The following SPHKAP variants were observed in gnomAD, a reference collection of about 807,000 sequenced individuals.
SPHKAP encodes SPHK1 interactor, AKAP domain containing.
SPHKAP carries 67 observed loss-of-function variants against 137.5 expected under a neutral mutation model. That is an observed-to-expected ratio of 0.49 (90% CI 0.40 to 0.60). The LOEUF is 0.60. Among genes scored for constraint, SPHKAP ranks in the 20% least tolerant of loss-of-function variants. The pLI, the probability that SPHKAP is intolerant of heterozygous loss-of-function variation, is 0.00. For synonymous variants in SPHKAP, 813 were observed against 785.3 expected (o/e 1.04, Z -0.59); for missense variants, 2,097 against 2,069.3 (o/e 1.01, Z -0.26).
intron 3 of SPHKAP, among the ~76,000 whole-genome samples, chr2:228,030,807 T>C (rs573897621): frequency 7.9e-5 from 12 of 152,288 alleles, no homozygotes; most frequent in African/African-American, 1.9e-4. Flanking sequence ...TTGTCTTCTC[T>C]AGAGAAACTA....
chr2:228,070,915 A>G (rs1696984342), intron 3 of SPHKAP, among the ~76,000 whole-genome samples: 1 of 152,118 alleles, frequency 6.6e-6, no homozygotes, highest in Non-Finnish European at 1.5e-5. Flanking sequence ...GACCACTTTG[A>G]TTCCTTCGGT....
chr2:228,077,299 C>T (rs1163690492), intron 3 of SPHKAP, among the ~76,000 whole-genome samples: 2 of 152,232 alleles, frequency 1.3e-5, no homozygotes, highest in East Asian at 3.9e-4. Context: ...GGGCCACTGT[C>T]TTCCAGACCC....
chr2:228,091,227 C>A (rs1445727588), intron 3 of SPHKAP, among the ~76,000 whole-genome samples: 2 of 152,000 alleles, frequency 1.3e-5, no homozygotes, highest in African/African-American at 4.8e-5. Flanking sequence ...ATACTAATAT[C>A]AAACAAAATA....
At chr2:228,010,562 G>T (rs1186596980) in intron 7 of SPHKAP, among the ~76,000 whole-genome samples, 5 of 152,068 alleles carry the variant, frequency 3.3e-5, no homozygotes, top group Admixed American at 2.6e-4. Context: ...GTTCACGGAT[G>T]GAGGGCAAGT....
At chr2:228,060,623 T>C (rs1454070244) in intron 3 of SPHKAP, among the ~76,000 whole-genome samples, 2 of 152,210 alleles carry the variant, frequency 1.3e-5, no homozygotes, top group African/African-American at 4.8e-5. Flanking sequence ...GACTTAGTGA[T>C]AGGAAAGTGA....
intron 1 of SPHKAP, among the ~76,000 whole-genome samples, chr2:228,148,196 C>T (rs1310823433): frequency 6.6e-6 from 1 of 152,152 alleles, no homozygotes; most frequent in Non-Finnish European, 1.5e-5. Flanking sequence ...CTGGCTGCAC[C>T]AGGTTGTATG....
chr2:228,119,765 C>T (rs1431455828), intron 2 of SPHKAP, among the ~76,000 whole-genome samples: 1 of 152,056 alleles, frequency 6.6e-6, no homozygotes, highest in East Asian at 1.9e-4. Flanking sequence ...GTGAGTTAGT[C>T]TCCATTTCTC....
chr2:228,150,862 T>C (rs527626167), intron 1 of SPHKAP, among the ~76,000 whole-genome samples: 1 of 152,120 alleles, frequency 6.6e-6, no homozygotes, highest in South Asian at 2.1e-4. Context: ...GCAATCCTCA[T>C]ACCTCAGCCT....
intron 3 of SPHKAP, among the ~76,000 whole-genome samples, chr2:228,072,684 C>A (rs193127896): frequency 1.4e-3 from 212 of 152,272 alleles, no homozygotes; most frequent in Non-Finnish European, 2.6e-3. Context: ...CCTTGAGAAT[C>A]CTGAGCCACC....
chr2:228,165,744 C>T (rs1161618658), intron 1 of SPHKAP, among the ~76,000 whole-genome samples: 1 of 152,208 alleles, frequency 6.6e-6, no homozygotes, highest in Non-Finnish European at 1.5e-5. Flanking sequence ...TCTGCAATTA[C>T]AAGATTGTGT....
chr2:228,164,219 T>C lies in SPHKAP; in HGVS notation c.32+17348A>G, dbSNP rs4553813. Among the ~76,000 whole-genome samples, 237 of 152,284 alleles carry C rather than the reference T, an allele frequency of 1.6e-3. 2 individuals are homozygous for C. The East Asian group carries it at 0.03, about 19-fold the overall frequency. On this transcript the variant is annotated intron_variant, in intron 1 of 11. Coordinates refer to ENST00000392056, the MANE Select transcript of SPHKAP (RefSeq NM_001142644.2). ...GGACCCTTGGACTTAACACCAGTGG[T>C]TTGCCAGGGCCTCTCAGGCCTTCAA...
At chr2:228,096,528 A>C (rs1697987267) in intron 3 of SPHKAP, among the ~76,000 whole-genome samples, 1 of 151,876 alleles carries the variant, frequency 6.6e-6, no homozygotes, top group Non-Finnish European at 1.5e-5. Context: ...CCATACGAAA[A>C]CTGCATCCCA....
chr2:228,043,775 A>G (rs1695934786), intron 3 of SPHKAP, among the ~76,000 whole-genome samples: 1 of 152,124 alleles, frequency 6.6e-6, no homozygotes, highest in African/African-American at 2.4e-5. Context: ...CATGCTTTAC[A>G]ATTTTGTAGA....
chr2:228,039,453 T>C (rs1695758430), intron 3 of SPHKAP, among the ~76,000 whole-genome samples: 1 of 152,192 alleles, frequency 6.6e-6, no homozygotes. Flanking sequence ...TTTTTTAGTA[T>C]TATGGGTTAT....
At chr2:228,112,021 T>A (rs1698533711) in intron 2 of SPHKAP, among the ~76,000 whole-genome samples, 1 of 152,200 alleles carries the variant, frequency 6.6e-6, no homozygotes, top group South Asian at 2.1e-4. Context: ...AATTATATAA[T>A]GTAATTAATC....
chr2:228,161,560 G>A (rs1195996938), intron 1 of SPHKAP, among the ~76,000 whole-genome samples: 1 of 152,104 alleles, frequency 6.6e-6, no homozygotes. Context: ...GGGTGAGGGA[G>A]GGAGAGCATC....
chr2:228,136,903 C>A (rs1699451524), intron 1 of SPHKAP, among the ~76,000 whole-genome samples: 1 of 152,012 alleles, frequency 6.6e-6, no homozygotes, highest in African/African-American at 2.4e-5. Flanking sequence ...CTACCTAGTC[C>A]CCACCTTCCC....
chr2:228,048,741 A>G (rs928956024), intron 3 of SPHKAP, among the ~76,000 whole-genome samples: 3 of 152,142 alleles, frequency 2.0e-5, no homozygotes, highest in African/African-American at 7.2e-5. Flanking sequence ...GTAGTAGGCT[A>G]TGAGGATTAG....
intron 3 of SPHKAP, among the ~76,000 whole-genome samples, chr2:228,078,778 T>G (rs80188197): frequency 0.01 from 1,532 of 152,200 alleles, 42 homozygotes; most frequent in African/African-American, 0.035. Context: ...CCAGGCAGCA[T>G]AGAGTGGAGA....
Sources: gnomAD v4.1 joint callset for allele counts (sites outside exome capture counted in the v4.1 genomes callset) on GRCh38, gnomAD v4.1.1 for gene constraint, MANE v1.5 for transcripts, NCBI Gene and HGNC (gene_info 2026-07-23, HGNC 2026-07-21) for gene names.